FBXW2: variants seen among roughly 807,000 people sequenced by gnomAD.
FBXW2 encodes F-box/WD repeat-containing protein 2.
FBXW2 carries 12 observed loss-of-function variants against 46.0 expected under a neutral mutation model. The ratio of observed to expected loss-of-function variants is 0.26; its 90% CI spans 0.17 to 0.42. The LOEUF is 0.42. Among genes scored for constraint, FBXW2 ranks in the 10% least tolerant of loss-of-function variants. FBXW2 has a pLI of 1.00. For missense variants in FBXW2, 360 were observed against 537.0 expected (o/e 0.67, Z 3.26); for synonymous variants, 203 against 209.6 (o/e 0.97, Z 0.27).
chr9:120,785,502 T>C (rs1014660450), intron 3 of FBXW2, among the ~76,000 whole-genome samples: 1 of 152,192 alleles, frequency 6.6e-6, no homozygotes, highest in Non-Finnish European at 1.5e-5. Flanking sequence ...TTAAATCAAA[T>C]GTTTATTTTC....
In FBXW2 at chr9:120,759,023, G is replaced by A. The variant is rs2044158434; in HGVS notation, c.*5536C>T. ...CACCTTCAGAAATGGTTATATTGTT[G>A]AGTTTACCTTCTAGAAGATGCAGAA... On this transcript the variant is annotated 3_prime_UTR_variant, in exon 8 of 8. Transcript: ENST00000608872. 1 of 151,938 alleles carries A rather than the reference G, an allele frequency of 6.6e-6. No homozygotes were observed. The highest frequency in any genetic ancestry group is 2.1e-4 in the South Asian group (1 of 4,798). 9.4% of individuals were successfully genotyped at this position (151,938 alleles called of 1,614,324 possible).
intron 2 of FBXW2, 101 bp downstream of exon 2, chr9:120,793,048 T>TC (rs1235203004): frequency 4.4e-6 from 5 of 1,142,942 alleles, no homozygotes; most frequent in Non-Finnish European, 6.3e-6. Context: ...AGGCAGTAAC[T>TC]CCAAAACCCT....
At position 120,764,163 on chromosome 9, in the gene FBXW2, A is replaced by G. The variant is rs2044234244; in HGVS notation, c.*396T>C. ...GCACCTTTGCTTCAACTTCAAAAGA[A>G]AAAAAGGCTATGGTAAAAAGCTTTA... On this transcript the variant is annotated 3_prime_UTR_variant, in exon 8 of 8. Coordinates refer to ENST00000608872, the MANE Select transcript of FBXW2 (RefSeq NM_012164.4). The G allele has an allele frequency of 2.6e-6, 1 of 384,326 alleles. No homozygotes were observed. The highest frequency in any genetic ancestry group is 3.8e-5 in the East Asian group (1 of 26,600). 23.8% of individuals were successfully genotyped at this position (384,326 alleles called of 1,614,324 possible).
chr9:120,771,541 A>C (rs761197051), intron 6 of FBXW2, 24 bp from the exon 7 acceptor site: 14 of 1,595,222 alleles, frequency 8.8e-6, no homozygotes, highest in Non-Finnish European at 1.2e-5. Flanking sequence ...AAAATGAGGA[A>C]AGATGAGAGA....
At chr9:120,772,060 GAAA>G (rs59520792) in intron 6 of FBXW2, among the ~76,000 whole-genome samples, 14 of 51,312 alleles carry the variant, frequency 2.7e-4, no homozygotes, top group Admixed American at 2.6e-3. Flanking sequence ...CCCTGTCTCA[GAAA>G]AAAAAAAAAA....
chr9:120,773,897 A>C (rs1297758669), intron 5 of FBXW2, among the ~76,000 whole-genome samples: 1 of 152,188 alleles, frequency 6.6e-6, no homozygotes, highest in Non-Finnish European at 1.5e-5. Flanking sequence ...TTCCATGTAA[A>C]AAGTTAACAT....
chr9:120,767,155 T>C (rs1417615007), intron 7 of FBXW2, among the ~76,000 whole-genome samples: 1 of 152,216 alleles, frequency 6.6e-6, no homozygotes, highest in Non-Finnish European at 1.5e-5. Flanking sequence ...CCTGTCTAAA[T>C]TTTACAAATT....
chr9:120,776,363 G>T (rs16910132), intron 4 of FBXW2, 137 bp from the exon 5 acceptor site: 8 of 903,376 alleles, frequency 8.9e-6, no homozygotes, highest in Non-Finnish European at 1.3e-5. Context: ...TATTCAACTA[G>T]CAATTTTCTG....
chr9:120,780,566 A>C (rs1480361701), intron 3 of FBXW2, among the ~76,000 whole-genome samples: 3 of 152,182 alleles, frequency 2.0e-5, no homozygotes, highest in Non-Finnish European at 4.4e-5. Flanking sequence ...TGGCTACTGT[A>C]CCGGAGAGCG....
At chr9:120,777,044 C>A (rs2044511680) in intron 4 of FBXW2, among the ~76,000 whole-genome samples, 1 of 151,880 alleles carries the variant, frequency 6.6e-6, no homozygotes, top group Non-Finnish European at 1.5e-5. Context: ...CAGAGTTTAT[C>A]AAGGAAAGAA....
At chr9:120,773,668 G>A (rs2044428314) in intron 5 of FBXW2, among the ~76,000 whole-genome samples, 1 of 152,206 alleles carries the variant, frequency 6.6e-6, no homozygotes, top group South Asian at 2.1e-4. Flanking sequence ...TCATTCAGAA[G>A]TCTGGATTGC....
At chr9:120,780,741 C>A (rs1465351055) in intron 3 of FBXW2, among the ~76,000 whole-genome samples, 1 of 152,128 alleles carries the variant, frequency 6.6e-6, no homozygotes, top group African/African-American at 2.4e-5. Flanking sequence ...ATTTATAGAA[C>A]TTCTGTGTCA....
intron 7 of FBXW2, among the ~76,000 whole-genome samples, chr9:120,769,215 T>C (rs2044328002): frequency 1.3e-5 from 2 of 152,210 alleles, no homozygotes; most frequent in Non-Finnish European, 2.9e-5. Context: ...TAAGTAGCCC[T>C]ACCTGGTCCT....
chr9:120,767,793 T>A, intron 7 of FBXW2, among the ~76,000 whole-genome samples: 1 of 152,166 alleles, frequency 6.6e-6, no homozygotes, highest in Non-Finnish European at 1.5e-5. Flanking sequence ...ATTCTCCTCC[T>A]CCTCCTCATT....
rs563994219 is a variant in FBXW2, at chr9:120,769,578, T to C, written c.1076+1770A>G. The stretch of plus-strand genomic sequence containing the variant: ...TGCACCTTCCCACCTAAAATTTTAA[T>C]TCAAAACAAAAACAATATTGAACTA... On this transcript the variant is annotated intron_variant, in intron 7 of 7. Transcript: ENST00000608872. Among the ~76,000 whole-genome samples the C allele has an allele frequency of 2.0e-5, 3 of 152,292 alleles. No homozygotes were observed. In the South Asian group the frequency reaches 6.2e-4, roughly 32 times the overall value.
At chr9:120,776,498 T>C in intron 4 of FBXW2, 1 of 371,292 alleles carries the variant, frequency 2.7e-6, no homozygotes, top group Admixed American at 4.4e-5. Context: ...TTGGAGATAA[T>C]GGCATTCCTT....
rs913789018 is a variant in FBXW2 at position 120,793,356 on chromosome 9, G to T, written c.-132C>A. ...CCGGCCCCGCCTCGCATACAGACCC[G>T]GACCTGCGGCCGCTGCTCCCGGTCC... On this transcript the variant is annotated splice_region_variant and 5_prime_UTR_variant, in exon 1 of 8. Transcript: ENST00000608872. 5 of 403,466 alleles carry T rather than the reference G, an allele frequency of 1.2e-5. No individual in the cohort carries two copies. The highest frequency in any genetic ancestry group is 2.2e-5 in the Non-Finnish European group (5 of 228,950). The allele number at this position is 403,466 out of a possible 1,614,324, so 25.0% of individuals were successfully genotyped here. A position where few individuals can be genotyped will look rare whatever the true frequency, so the allele number is the denominator to read the frequency against.
At chr9:120,770,414 T>G (rs2044355108) in intron 7 of FBXW2, among the ~76,000 whole-genome samples, 1 of 152,144 alleles carries the variant, frequency 6.6e-6, no homozygotes, top group African/African-American at 2.4e-5. Flanking sequence ...ATGTTCAATT[T>G]TCTGTACTCC....
chr9:120,778,762 G>A (rs2044551734), intron 3 of FBXW2, among the ~76,000 whole-genome samples: 1 of 152,070 alleles, frequency 6.6e-6, no homozygotes, highest in African/African-American at 2.4e-5. Flanking sequence ...AAGCTTTTTG[G>A]GTGAGACACT....
Sources: gnomAD v4.1 joint callset for allele counts (sites outside exome capture counted in the v4.1 genomes callset) on GRCh38, gnomAD v4.1.1 for gene constraint, MANE v1.5 for transcripts, NCBI Gene and HGNC (gene_info 2026-07-23, HGNC 2026-07-21) for gene names.